STRBP: variants seen among roughly 807,000 people sequenced by gnomAD.
STRBP encodes spermatid perinuclear RNA-binding protein.
A neutral mutation model predicts 80.1 loss-of-function variants in STRBP; 13 were observed. The ratio of observed to expected loss-of-function variants is 0.16; its 90% CI spans 0.11 to 0.26. The LOEUF is 0.26. STRBP is among the 10% of genes least tolerant of loss of function. The probability of loss-of-function intolerance (pLI) is 1.00; values close to 1 mark genes in which losing one functional copy is unlikely to be tolerated. For missense variants in STRBP, 485 were observed against 815.2 expected (o/e 0.59, Z 4.93); for synonymous variants, 284 against 291.2 (o/e 0.98, Z 0.25).
chr9:123,188,170 G>A (rs1171703269), intron 2 of STRBP, among the ~76,000 whole-genome samples: 3 of 151,938 alleles, frequency 2.0e-5, no homozygotes, highest in Non-Finnish European at 4.4e-5. Flanking sequence ...ATGCATTTAA[G>A]GTTTCTCCAT....
Position 123,125,139 on chromosome 9 carries a change from C to A in STRBP, c.*458G>T. On this transcript the variant is annotated 3_prime_UTR_variant, in exon 19 of 19. Coordinates refer to ENST00000348403, the MANE Select transcript of STRBP (RefSeq NM_018387.5). ...TGTATTAAAAAAAATAACTACAGCC[C>A]AAATTAAAGTGCCCTGGGGCAAATA... 2.3e-5 allele frequency: 23 copies of A among 986,154 alleles called. No individual in the cohort carries two copies. The highest frequency in any genetic ancestry group is 2.8e-5 in the Non-Finnish European group (23 of 830,258). The allele number at this position is 986,154 out of a possible 1,614,324, so 61.1% of individuals were successfully genotyped here. A position where few individuals can be genotyped will look rare whatever the true frequency, so the allele number is the denominator to read the frequency against.
At chr9:123,140,093 C>T (rs894097454) in intron 13 of STRBP, among the ~76,000 whole-genome samples, 2 of 152,292 alleles carry the variant, frequency 1.3e-5, no homozygotes, top group South Asian at 2.1e-4. Flanking sequence ...TCCTGTATTT[C>T]TCCTCTGGCC....
chr9:123,220,230 T>TA (rs2040024390), intron 2 of STRBP, among the ~76,000 whole-genome samples: 1 of 152,254 alleles, frequency 6.6e-6, no homozygotes, highest in African/African-American at 2.4e-5. Context: ...ACAAAAGTGA[T>TA]ACAACCTAAG....
intron 2 of STRBP, among the ~76,000 whole-genome samples, chr9:123,187,065 A>T (rs2038728128): frequency 6.6e-6 from 1 of 152,074 alleles, no homozygotes; most frequent in Non-Finnish European, 1.5e-5. Context: ...AAGACTTTTC[A>T]TATATTAACT....
intron 3 of STRBP, chr9:123,114,880 G>T: frequency 3.4e-6 from 1 of 292,580 alleles, no homozygotes. Flanking sequence ...CGGCAGAGGA[G>T]CCTGGCCTGT....
chr9:123,160,227 AT>A (rs960068967), intron 8 of STRBP, 139 bp downstream of exon 8: 318 of 481,570 alleles, frequency 6.6e-4, no homozygotes, highest in South Asian at 1.7e-3. Context: ...AAGATGCTTT[AT>A]TTTTTTTTCA....
intron 8 of STRBP, among the ~76,000 whole-genome samples, chr9:123,159,502 AC>A (rs2037432120): frequency 6.6e-6 from 1 of 152,208 alleles, no homozygotes; most frequent in Admixed American, 6.5e-5. Context: ...TTTAATAAAG[AC>A]TTAACAAGTC....
chr9:123,177,867 G>T (rs111377805), intron 4 of STRBP, among the ~76,000 whole-genome samples: 1 of 152,126 alleles, frequency 6.6e-6, no homozygotes, highest in African/African-American at 2.4e-5. Context: ...TCTGGAATAC[G>T]TGACTATTTA....
At chr9:123,264,140 C>T (rs565213802) in intron 1 of STRBP, among the ~76,000 whole-genome samples, 1 of 152,362 alleles carries the variant, frequency 6.6e-6, no homozygotes. Flanking sequence ...GATTGTGCTA[C>T]TGCACTCCAG....
chr9:123,165,032 C>T (rs1260322885), intron 6 of STRBP, among the ~76,000 whole-genome samples: 2 of 151,834 alleles, frequency 1.3e-5, no homozygotes, highest in Non-Finnish European at 1.5e-5. Context: ...CCTGTAATCC[C>T]GGCACTTTGG....
At chr9:123,222,339 TAGAC>T (rs2040093687) in intron 2 of STRBP, among the ~76,000 whole-genome samples, 1 of 152,124 alleles carries the variant, frequency 6.6e-6, no homozygotes, top group Admixed American at 6.6e-5. Flanking sequence ...GTTCCAGACT[TAGAC>T]AGCACTCTTC....
intron 1 of STRBP, among the ~76,000 whole-genome samples, chr9:123,242,642 A>T (rs2040718963): frequency 1.3e-5 from 2 of 152,040 alleles, no homozygotes; most frequent in African/African-American, 4.8e-5. Context: ...CCTGGGTGAC[A>T]GAGTGAGACC....
At chr9:123,131,651 G>A (rs1188619321) in intron 17 of STRBP, among the ~76,000 whole-genome samples, 2 of 152,172 alleles carry the variant, frequency 1.3e-5, no homozygotes, top group African/African-American at 4.8e-5. Context: ...ACAGCAGCAT[G>A]TCCTTCTTTT....
intron 6 of STRBP, among the ~76,000 whole-genome samples, chr9:123,165,127 A>G (rs1241598429): frequency 6.6e-6 from 1 of 151,948 alleles, no homozygotes; most frequent in Non-Finnish European, 1.5e-5. Context: ...CTGAAAACAT[A>G]AAAATTAGCT....
chr9:123,260,473 T>A (rs904894256), intron 1 of STRBP, among the ~76,000 whole-genome samples: 1 of 152,252 alleles, frequency 6.6e-6, no homozygotes, highest in Non-Finnish European at 1.5e-5. Context: ...ATTATCTTTA[T>A]GTTACAGATA....
chr9:123,251,616 C>G (rs2040919540), intron 1 of STRBP, among the ~76,000 whole-genome samples: 1 of 152,206 alleles, frequency 6.6e-6, no homozygotes, highest in South Asian at 2.1e-4. Context: ...GTTAGTATAG[C>G]TGATCTCCAA....
At chr9:123,134,963 C>A (rs1308437621) in intron 16 of STRBP, among the ~76,000 whole-genome samples, 3 of 152,100 alleles carry the variant, frequency 2.0e-5, no homozygotes, top group Non-Finnish European at 4.4e-5. Context: ...TAAGTTTTCT[C>A]TACCTTTTGG....
chr9:123,191,525 A>G (rs1186551696), intron 2 of STRBP, among the ~76,000 whole-genome samples: 1 of 152,166 alleles, frequency 6.6e-6, no homozygotes, highest in Non-Finnish European at 1.5e-5. Flanking sequence ...TTTTCATGCC[A>G]TAAGGTCTCT....
chr9:123,122,455 AAAG>A lies in STRBP; in HGVS notation c.*3139_*3141del. On this transcript the variant is annotated 3_prime_UTR_variant, in exon 19 of 19. Transcript: ENST00000348403. ...CACCCAAAATTAAAAAAAAAAAAAAAAAGAAAAGGCCAATACCAGCAAAATCTC... is the reference window on the plus strand; with the variant it reads ...CACCCAAAATTAAAAAAAAAAAAAAAAAAAGGCCAATACCAGCAAAATCTC... 8.2e-7 allele frequency: 1 copy of A among 1,217,144 alleles called. No homozygotes were observed. Among genetic ancestry groups the A allele is most frequent in the East Asian group, 5.8e-5 (1 of 17,324 alleles). The allele number at this position is 1,217,144 out of a possible 1,614,324, so 75.4% of individuals were successfully genotyped here.
Sources: allele counts gnomAD v4.1 joint callset (sites outside exome capture counted in the v4.1 genomes callset), GRCh38; gene constraint gnomAD v4.1.1; transcripts MANE v1.5; gene names NCBI Gene and HGNC (gene_info 2026-07-23, HGNC 2026-07-21).